The following TXNDC12 variants were observed in gnomAD, a reference collection of about 807,000 sequenced individuals.
TXNDC12 encodes thioredoxin domain containing 12, also known as thioredoxin domain-containing protein 12.
Under a neutral mutation model 24.2 loss-of-function variants are expected in TXNDC12, and 22 were observed. The observed-to-expected ratio is 0.91, with a 90% CI of 0.65 to 1.30. The LOEUF (loss-of-function observed/expected upper bound fraction) is 1.30, where lower values mean the gene tolerates loss of function less well. Among genes scored for constraint, TXNDC12 ranks in the 50% most tolerant of loss-of-function variants. The pLI is 0.00. For missense variants in TXNDC12, 184 were observed against 205.8 expected, an observed-to-expected ratio of 0.89 and a Z score of 0.65; for synonymous variants, 58 against 73.4, an observed-to-expected ratio of 0.79 and a Z score of 1.07.
intron 4 of TXNDC12, among the ~76,000 whole-genome samples, chr1:52,026,583 A>G (rs1219855146): frequency 6.6e-6 from 1 of 152,174 alleles, no homozygotes; most frequent in Non-Finnish European, 1.5e-5. Context: ...ATCATAAACT[A>G]AGGATAAAAG....
chr1:52,025,225 T>C (rs552224509), intron 4 of TXNDC12, among the ~76,000 whole-genome samples: 6 of 151,956 alleles, frequency 3.9e-5, no homozygotes, highest in East Asian at 1.9e-4. Flanking sequence ...AGTTTTCTTT[T>C]TTTTTTTTTT....
intron 2 of TXNDC12, chr1:52,032,391 C>T: frequency 8.8e-7 from 1 of 1,131,184 alleles, no homozygotes; most frequent in Non-Finnish European, 1.1e-6. Context: ...TGAGGGAAGC[C>T]AATGGTCAAT....
intron 3 of TXNDC12, among the ~76,000 whole-genome samples, chr1:52,027,706 G>A (rs1685690448): frequency 6.6e-6 from 1 of 150,762 alleles, no homozygotes; most frequent in African/African-American, 2.4e-5. Flanking sequence ...GTGTATATGT[G>A]TGTGTATACA....
intron 1 of TXNDC12, among the ~76,000 whole-genome samples, chr1:52,042,895 T>A (rs1346637029): frequency 6.6e-6 from 1 of 152,226 alleles, no homozygotes; most frequent in Non-Finnish European, 1.5e-5. Context: ...CTGCTGGGAT[T>A]ACAGGCATGA....
intron 3 of TXNDC12, among the ~76,000 whole-genome samples, chr1:52,027,656 C>T (rs1027177007): frequency 6.6e-6 from 1 of 151,680 alleles, no homozygotes; most frequent in African/African-American, 2.4e-5. Context: ...ATTTCAAAAA[C>T]CATTGACATG....
chr1:52,049,701 T>C (rs1403789734), intron 1 of TXNDC12, among the ~76,000 whole-genome samples: 1 of 151,518 alleles, frequency 6.6e-6, no homozygotes, highest in Non-Finnish European at 1.5e-5. Flanking sequence ...ATTAAGCAAT[T>C]GCATTTTTTT....
intron 2 of TXNDC12, chr1:52,032,726 G>A (rs1335084190): frequency 6.2e-7 from 1 of 1,610,688 alleles, no homozygotes; most frequent in Non-Finnish European, 8.5e-7. Flanking sequence ...AAATACTGAA[G>A]AAACATGTTG....
intron 4 of TXNDC12, 24 bp from the exon 5 acceptor site, chr1:52,024,603 T>TC (rs1685647407): frequency 6.4e-7 from 1 of 1,567,778 alleles, no homozygotes; most frequent in African/African-American, 1.4e-5. Flanking sequence ...ATGTAAACCT[T>TC]AAGTCAGATA....
intron 1 of TXNDC12, among the ~76,000 whole-genome samples, chr1:52,051,201 T>C (rs1050800110): frequency 1.4e-4 from 21 of 152,188 alleles, no homozygotes; most frequent in African/African-American, 4.8e-4. Flanking sequence ...GGTGATGTAC[T>C]CCAAATTTTT....
chr1:52,054,884 A>C (rs754080843), intron 1 of TXNDC12, 116 bp downstream of exon 1: 17 of 730,542 alleles, frequency 2.3e-5, no homozygotes, highest in Non-Finnish European at 3.9e-5. Context: ...GATAAAAAGA[A>C]ATCTGGAGTG....
At chr1:52,033,601 C>T (rs1375260813) in intron 2 of TXNDC12, 10 of 1,612,980 alleles carry the variant, frequency 6.2e-6, no homozygotes, top group Non-Finnish European at 5.1e-6. Context: ...TGCCTTCTCA[C>T]GGGCAGAATC....
At chr1:52,032,471 A>ACAG (rs1685780222) in intron 2 of TXNDC12, 1 of 1,312,054 alleles carries the variant, frequency 7.6e-7, no homozygotes, top group Admixed American at 3.7e-5. Flanking sequence ...CCTCTGAGGG[A>ACAG]TTTGCCAGGT....
At position 52,020,705 on chromosome 1, in the gene TXNDC12, G is replaced by T. The variant is rs189489370; in HGVS notation, c.*228C>A. The T allele has an allele frequency of 2.9e-4, 146 of 497,912 alleles. No homozygotes were observed. The highest frequency in any genetic ancestry group is 1.8e-3 in the Admixed American group (50 of 27,222). 30.8% of individuals were successfully genotyped at this position (497,912 alleles called of 1,614,324 possible). On this transcript the variant is annotated 3_prime_UTR_variant, in exon 7 of 7. Coordinates refer to ENST00000371626, the MANE Select transcript of TXNDC12 (RefSeq NM_015913.4). ...ACATTCAATGACAAGTTGACATTTA[G>T]GTGAGAGGGAAAAGGAGAAGAAAGT...
chr1:52,032,658 G>A, intron 2 of TXNDC12: 1 of 1,548,888 alleles, frequency 6.5e-7, no homozygotes, highest in South Asian at 1.3e-5. Flanking sequence ...AAAGTGGAGT[G>A]GAGATCAGAA....
intron 2 of TXNDC12, among the ~76,000 whole-genome samples, chr1:52,028,956 T>C (rs1416674754): frequency 1.3e-5 from 2 of 152,010 alleles, no homozygotes; most frequent in Non-Finnish European, 2.9e-5. Flanking sequence ...AACAAAACCC[T>C]GTCTCCACTA....
chr1:52,020,262 C>A lies in TXNDC12; in HGVS notation c.*671G>T. 1 of 329,208 alleles carries A rather than the reference C, an allele frequency of 3.0e-6. No individual in the cohort carries two copies. Among genetic ancestry groups the A allele is most frequent in the South Asian group, 4.1e-5 (1 of 24,206 alleles). 20.4% of individuals were successfully genotyped at this position (329,208 alleles called of 1,614,324 possible). On this transcript the variant is annotated 3_prime_UTR_variant, in exon 7 of 7. Coordinates refer to ENST00000371626, the MANE Select transcript of TXNDC12 (RefSeq NM_015913.4). ...TAGGGCTTGAAGGTTTGAGTTTCTC[C>A]AACAGTAACAAGGGAAAGCATGCTT...
At chr1:52,054,891 A>G in intron 1 of TXNDC12, 109 bp downstream of exon 1, 1 of 760,662 alleles carries the variant, frequency 1.3e-6, no homozygotes, top group Non-Finnish European at 2.2e-6. Context: ...AGAAATCTGG[A>G]GTGGCCTAAG....
intron 1 of TXNDC12, among the ~76,000 whole-genome samples, chr1:52,049,543 G>A (rs148549578): frequency 1.4e-3 from 218 of 152,232 alleles, no homozygotes; most frequent in African/African-American, 4.7e-3. Context: ...CTGAGATTGC[G>A]TCACTGCACT....
intron 2 of TXNDC12, among the ~76,000 whole-genome samples, chr1:52,031,273 C>T (rs889941356): frequency 2.0e-5 from 3 of 151,160 alleles, no homozygotes; most frequent in Non-Finnish European, 4.4e-5. Flanking sequence ...GATTCTCCTG[C>T]CTCAGCCTCC....
Sources: allele counts gnomAD v4.1 joint callset (sites outside exome capture counted in the v4.1 genomes callset), GRCh38; gene constraint gnomAD v4.1.1; transcripts MANE v1.5; gene names NCBI Gene and HGNC (gene_info 2026-07-23, HGNC 2026-07-21).